Variants in PDZD2 observed in about 807,000 individuals in gnomAD.
The protein encoded by PDZD2 is PDZ domain-containing protein 2.
Under a neutral mutation model 220.7 loss-of-function variants are expected in PDZD2, and 90 were observed. The ratio of observed to expected loss-of-function variants is 0.41; its 90% CI spans 0.34 to 0.49. The LOEUF (loss-of-function observed/expected upper bound fraction) is 0.49. Ranked by LOEUF, PDZD2 falls within the 20% of genes least tolerant of loss-of-function variation. The pLI is 0.28. For missense variants in PDZD2, 3,174 were observed against 3,608.5 expected (o/e 0.88, Z 3.08); for synonymous variants, 1,375 against 1,450.5 (o/e 0.95, Z 1.18).
chr5:31,918,758 A>G (rs1743903048), intron 2 of PDZD2, among the ~76,000 whole-genome samples: 1 of 152,032 alleles, frequency 6.6e-6, no homozygotes, highest in Admixed American at 6.6e-5. Context: ...TGGACCCCCA[A>G]GATCTCATTG....
At chr5:31,661,372 G>A (rs1006095546) in intron 1 of PDZD2, 18 of 152,100 alleles carry the variant, frequency 1.2e-4, no homozygotes, top group Admixed American at 6.6e-4. Context: ...ACATTGTCCC[G>A]GTAGGAAGCA....
At chr5:31,703,497 G>A (rs1043472681) in intron 1 of PDZD2, among the ~76,000 whole-genome samples, 3 of 152,104 alleles carry the variant, frequency 2.0e-5, no homozygotes, top group Non-Finnish European at 2.9e-5. Flanking sequence ...GGAAGGGGAG[G>A]GAGAGCATTA....
chr5:31,823,892 C>T (rs1182759214), intron 2 of PDZD2, among the ~76,000 whole-genome samples: 1 of 152,172 alleles, frequency 6.6e-6, no homozygotes, highest in Non-Finnish European at 1.5e-5. Flanking sequence ...CAATAGTAAA[C>T]TGTGAACATG....
chr5:31,917,993 C>T (rs1743840443), intron 2 of PDZD2, among the ~76,000 whole-genome samples: 1 of 152,126 alleles, frequency 6.6e-6, no homozygotes, highest in African/African-American at 2.4e-5. Context: ...CCGTGCCCGG[C>T]CAGGCTTCTG....
intron 2 of PDZD2, chr5:31,908,411 TC>T: frequency 2.0e-6 from 1 of 508,640 alleles, no homozygotes; most frequent in Non-Finnish European, 3.6e-6. Context: ...GTTCACGAGA[TC>T]CGGGAGATCT....
chr5:31,765,469 T>C (rs554828380), intron 1 of PDZD2, among the ~76,000 whole-genome samples: 1 of 152,316 alleles, frequency 6.6e-6, no homozygotes, highest in East Asian at 1.9e-4. Flanking sequence ...CTAATGAAGA[T>C]AAAAATCAAT....
chr5:31,892,017 CCTT>C (rs1741091736), intron 2 of PDZD2, among the ~76,000 whole-genome samples: 1 of 151,986 alleles, frequency 6.6e-6, no homozygotes, highest in South Asian at 2.1e-4. Context: ...CTCTGACAAT[CCTT>C]CTGCCTCAGC....
Position 32,090,412 on chromosome 5 carries a change from G to A in PDZD2, c.6964G>A (p.Glu2322Lys). 6.2e-7 allele frequency: 1 copy of A among 1,614,166 alleles called. No homozygotes were observed. The highest frequency in any genetic ancestry group is 1.3e-5 in the African/African-American group (1 of 75,064). The change falls in exon 20 of 25, where the codon GAG (glutamate) becomes AAG (lysine). Residue 2322 changes from glutamate (E) to lysine (K), a missense_variant. Transcript: ENST00000438447. This position sits in a 1 kb window ranked among gnomAD's most constrained non-coding sequence, Gnocchi z 4.3. The part of the protein sequence containing the change: ...IKVTRRHYCY[E>K]QNWPHESTSF... ...AGTCACCAGACGACACTACTGCTATGAGCAGAACTGGCCCCATGAATCTAC... is the reference window on the plus strand; with the variant it reads ...AGTCACCAGACGACACTACTGCTATAAGCAGAACTGGCCCCATGAATCTAC...
chr5:31,894,627 T>C (rs567835878), intron 2 of PDZD2, among the ~76,000 whole-genome samples: 12 of 152,338 alleles, frequency 7.9e-5, no homozygotes, highest in Middle Eastern at 3.4e-3. Flanking sequence ...TGTACACTTA[T>C]AACATGGTTA....
chr5:31,694,122 C>T (rs746829517), intron 1 of PDZD2, among the ~76,000 whole-genome samples: 2 of 152,130 alleles, frequency 1.3e-5, no homozygotes, highest in Admixed American at 6.5e-5. Context: ...GCTTGTAGGC[C>T]GGGTGCGGTG....
rs1581471753 is a variant in PDZD2, at chr5:32,090,111, G to T, written c.6663G>T (p.Arg2221Ser). ...HLYFTPRPAT[R>S]TYSMPAQFSS... ...ACTTCACCCCAAGGCCAGCGACCAG[G>T]ACCTACTCCATGCCAGCCCAGTTCT... The change falls in exon 20 of 25, where the codon AGG becomes AGT. Residue 2221 changes from arginine (R) to serine (S), a missense_variant. By Grantham distance (110) the Arg-to-Ser change is moderately radical. Transcript: ENST00000438447. This position sits in a 1 kb window ranked among gnomAD's most constrained non-coding sequence, Gnocchi z 4.3. 2.9e-5 allele frequency: 47 copies of T among 1,613,714 alleles called. No individual in the cohort carries two copies. The East Asian group carries it at 1.0e-3, about 36-fold the overall frequency.
intron 2 of PDZD2, among the ~76,000 whole-genome samples, chr5:31,927,908 C>T (rs976059873): frequency 1.1e-4 from 16 of 152,162 alleles, no homozygotes; most frequent in African/African-American, 3.9e-4. Context: ...TCCAGCTATA[C>T]CCCCATTTCA....
intron 1 of PDZD2, among the ~76,000 whole-genome samples, chr5:31,764,759 C>T (rs1298676208): frequency 6.6e-6 from 1 of 152,170 alleles, no homozygotes; most frequent in Non-Finnish European, 1.5e-5. Context: ...ATCGCCTTGG[C>T]AAGGTTGTTA....
chr5:31,791,459 G>A lies in PDZD2; in HGVS notation c.-360-7430G>A, dbSNP rs369169632. 9.9e-5 allele frequency among the ~76,000 whole-genome samples: 15 copies of A among 151,904 alleles called. No individual in the cohort carries two copies. The East Asian group carries it at 1.2e-3, about 12-fold the overall frequency. On this transcript the variant is annotated intron_variant, in intron 1 of 24. Transcript: ENST00000438447. ...TACAAAATTAGCCAAGTGTGGTGGC[G>A]CATGCCTGTAATCCCAGCTACTTGG...
In PDZD2 at chr5:32,000,209, G is replaced by A. The variant is rs182395885; in HGVS notation, c.1192G>A (p.Glu398Lys). The A allele has an allele frequency of 1.7e-5, 28 of 1,613,984 alleles. No individual in the cohort carries two copies. Among genetic ancestry groups the A allele is most frequent in the South Asian group, 1.1e-4 (10 of 91,088 alleles). Residue 398 changes from glutamate to lysine, a missense_variant, in exon 5 of 25, where the codon GAG becomes AAG. Coordinates refer to ENST00000438447, the MANE Select transcript of PDZD2 (RefSeq NM_178140.4). The surrounding 1 kb of genome is among the most constrained non-coding windows in gnomAD (Gnocchi z 4.5). Reference sequence around the variant, plus strand: ...TCATTTACTGGTCGGGCTCTCCCACGAGGAAGCAGTGGCCATTCTTCGCTC... The same window carrying A: ...TCATTTACTGGTCGGGCTCTCCCACAAGGAAGCAGTGGCCATTCTTCGCTC... Reference protein sequence around the residue: ...NGHLLVGLSHEEAVAILRSAT... With the variant: ...NGHLLVGLSHKEAVAILRSAT...
chr5:31,770,820 GA>G (rs5867101), intron 1 of PDZD2, among the ~76,000 whole-genome samples: 13 of 149,520 alleles, frequency 8.7e-5, no homozygotes, highest in South Asian at 6.3e-4. Flanking sequence ...CTCAAATTTA[GA>G]AAAAAAAAAA....
At chr5:32,048,275 A>G (rs928067487) in intron 7 of PDZD2, among the ~76,000 whole-genome samples, 2 of 152,220 alleles carry the variant, frequency 1.3e-5, no homozygotes, top group Non-Finnish European at 2.9e-5. Context: ...TTGGGAACAC[A>G]CATTTACATT....
intron 2 of PDZD2, among the ~76,000 whole-genome samples, chr5:31,870,078 A>T (rs1251651751): frequency 1.3e-5 from 2 of 152,158 alleles, no homozygotes; most frequent in Non-Finnish European, 2.9e-5. Flanking sequence ...GTCCTGTGGG[A>T]GAGGCACCTG....
chr5:31,822,521 C>A (rs190814127), intron 2 of PDZD2: 3 of 600,902 alleles, frequency 5.0e-6, no homozygotes. Flanking sequence ...AGGAAGCATC[C>A]GGCATCTTGT....
Sources: gnomAD v4.1 joint callset for allele counts (sites outside exome capture counted in the v4.1 genomes callset) on GRCh38, gnomAD v4.1.1 for gene constraint, Gnocchi (gnomAD v3.1) non-coding constraint, MANE v1.5 for transcripts, NCBI Gene and HGNC (gene_info 2026-07-23, HGNC 2026-07-21) for gene names.